The following FBXW4 variants were observed in gnomAD, a reference collection of about 807,000 sequenced individuals.
FBXW4 encodes the protein F-box and WD repeat domain containing 4, also known as F-box/WD repeat-containing protein 4.
In FBXW4, 40 loss-of-function variants were observed where a neutral mutation model predicts 61.8. The observed-to-expected ratio is 0.65, with a 90% CI of 0.50 to 0.84. The LOEUF (loss-of-function observed/expected upper bound fraction) is 0.84, where lower values mean the gene tolerates loss of function less well. FBXW4 is among the 40% of genes least tolerant of loss of function. The pLI, the probability that FBXW4 is intolerant of heterozygous loss-of-function variation, is 0.00. For missense variants in FBXW4, 672 were observed against 753.8 expected (o/e 0.89, Z 1.27); for synonymous variants, 311 against 313.8 (o/e 0.99, Z 0.10).
chr10:101,612,323 C>G lies in FBXW4; in HGVS notation c.1442+14G>C. On this transcript the variant is annotated intron_variant, in intron 7 of 8. Coordinates refer to ENST00000331272, the MANE Select transcript of FBXW4 (RefSeq NM_022039.4). ...GGGCCCCCACCACCTGTCCTCCCTG[C>G]CCAGCACACTCACCGGACGCTGGTG... The G allele has an allele frequency of 6.5e-7, 1 of 1,545,406 alleles. No homozygotes were observed. Among genetic ancestry groups the G allele is most frequent in the African/African-American group, 1.4e-5 (1 of 73,408 alleles).
At chr10:101,692,601 C>G (rs1225296967) in intron 1 of FBXW4, among the ~76,000 whole-genome samples, 1 of 151,572 alleles carries the variant, frequency 6.6e-6, no homozygotes, top group Non-Finnish European at 1.5e-5. Context: ...ACCAAAAATA[C>G]AAAATTAGCT....
rs551959564 is a variant in FBXW4, at chr10:101,642,381, T to C, written c.1236-17571A>G. On this transcript the variant is annotated intron_variant, in intron 5 of 8. Transcript: ENST00000331272. The stretch of plus-strand genomic sequence containing the variant: ...ACCTGGCCAACATAGCGGGACCCTA[T>C]CTCTATTTTTTTTTTTAATTAAAAA... Among the ~76,000 whole-genome samples, 21 of 108,876 alleles carry C rather than the reference T, an allele frequency of 1.9e-4. No individual in the cohort carries two copies. In the South Asian group the frequency reaches 4.2e-3, roughly 22 times the overall value. 71.4% of individuals were successfully genotyped at this position (108,876 alleles called of 152,430 possible). A position where few individuals can be genotyped will look rare whatever the true frequency, so the allele number is the denominator to read the frequency against.
At chr10:101,667,526 G>A (rs1007075194) in intron 5 of FBXW4, among the ~76,000 whole-genome samples, 3 of 152,164 alleles carry the variant, frequency 2.0e-5, no homozygotes, top group Admixed American at 6.5e-5. Flanking sequence ...GGCTGGTGCT[G>A]TCACCTCCGA....
In FBXW4 at chr10:101,673,608, G is replaced by C. The variant is rs867564083; in HGVS notation, c.887C>G (p.Ala296Gly). Residue 296 changes from alanine (A) to glycine (G), a missense_variant, in exon 3 of 9, where the codon GCC (alanine) becomes GGC (glycine). Around this residue, in one of 5 missense-constraint regions of FBXW4, gnomAD observed 312 missense variants for 370.1 expected, o/e 0.84. Coordinates refer to ENST00000331272, the MANE Select transcript of FBXW4 (RefSeq NM_022039.4). ...LYISQANFIL[A>G]YQFRPDGASL... ...GGCACCATCTGGACGGAACTGGTAG[G>C]CCAGGATGAAATTAGCCTGGGATAT... 3.7e-6 allele frequency: 6 copies of C among 1,614,034 alleles called. No individual in the cohort carries two copies. In the Middle Eastern group the frequency reaches 9.9e-4, roughly 266 times the overall value.
Position 101,672,944 on chromosome 10 carries a change from C to T in FBXW4, c.1111G>A (p.Val371Met). Reference sequence around the variant, plus strand: ...GCCGTCCTGTCCCTGGAGCCACTCACAATGATGCCCCCTTTGCAATCCACA... The same window carrying T: ...GCCGTCCTGTCCCTGGAGCCACTCATAATGATGCCCCCTTTGCAATCCACA... ...NCVDCKGGII[V>M]SGSRDRTAKV... Residue 371 changes from valine to methionine, a missense_variant, in exon 4 of 9, where the codon GTG becomes ATG. Coordinates refer to ENST00000331272, the MANE Select transcript of FBXW4 (RefSeq NM_022039.4). 6.2e-7 allele frequency: 1 copy of T among 1,614,148 alleles called. No homozygotes were observed. Among genetic ancestry groups the T allele is most frequent in the South Asian group, 1.1e-5 (1 of 91,080 alleles).
intron 5 of FBXW4, among the ~76,000 whole-genome samples, chr10:101,655,272 T>C (rs1024502312): frequency 2.6e-5 from 4 of 152,250 alleles, no homozygotes; most frequent in Non-Finnish European, 5.9e-5. Context: ...GACAACCTAA[T>C]GCAATTTAAA....
intron 4 of FBXW4, among the ~76,000 whole-genome samples, chr10:101,670,060 T>G (rs1452702840): frequency 6.6e-6 from 1 of 151,810 alleles, no homozygotes; most frequent in African/African-American, 2.4e-5. Flanking sequence ...CGGCCGGGAG[T>G]GGACATTTAT....
intron 5 of FBXW4, among the ~76,000 whole-genome samples, chr10:101,636,778 G>C (rs1011200288): frequency 6.6e-6 from 1 of 151,768 alleles, no homozygotes; most frequent in Non-Finnish European, 1.5e-5. Flanking sequence ...TAGTAGAGAC[G>C]GGGTTTCACC....
intron 4 of FBXW4, among the ~76,000 whole-genome samples, chr10:101,672,194 C>CT (rs1309406957): frequency 6.6e-6 from 1 of 152,236 alleles, no homozygotes; most frequent in African/African-American, 2.4e-5. Flanking sequence ...ACTGAATTGT[C>CT]AGCAAAGTTC....
chr10:101,646,357 C>T (rs1298881882), intron 5 of FBXW4, among the ~76,000 whole-genome samples: 3 of 152,212 alleles, frequency 2.0e-5, no homozygotes, highest in Non-Finnish European at 4.4e-5. Flanking sequence ...TGACCACAGC[C>T]CCCTTAGCTG....
intron 5 of FBXW4, among the ~76,000 whole-genome samples, chr10:101,629,122 G>A (rs2063930355): frequency 2.0e-5 from 3 of 152,152 alleles, no homozygotes; most frequent in Non-Finnish European, 2.9e-5. Context: ...AGTTGGGCAC[G>A]GACAGCCTGA....
At chr10:101,625,688 T>A (rs912122118) in intron 5 of FBXW4, 1 of 152,108 alleles carries the variant, frequency 6.6e-6, no homozygotes, top group African/African-American at 2.4e-5. Flanking sequence ...ACAACTCTTG[T>A]TAGAGGATTT....
intron 5 of FBXW4, among the ~76,000 whole-genome samples, chr10:101,641,490 A>C (rs2064052688): frequency 6.6e-6 from 1 of 152,140 alleles, no homozygotes; most frequent in Non-Finnish European, 1.5e-5. Context: ...TGACCCAAAA[A>C]CTAAGGGAAA....
At position 101,611,473 on chromosome 10, in the gene FBXW4, C is replaced by G. The variant is rs2063783641; in HGVS notation, c.1585-63G>C. On this transcript the variant is annotated intron_variant, in intron 8 of 8. Transcript: ENST00000331272. The surrounding 1 kb of genome is among the most constrained non-coding windows in gnomAD (Gnocchi z 4.9). Reference sequence around the variant, plus strand: ...AAGTGGGACATGGGTGTGCCCTAACCCAGGATCCCCAGGCCCAGGGGAAGA... The same window carrying G: ...AAGTGGGACATGGGTGTGCCCTAACGCAGGATCCCCAGGCCCAGGGGAAGA... 6.3e-7 allele frequency: 1 copy of G among 1,577,718 alleles called. No individual in the cohort carries two copies.
intron 5 of FBXW4, among the ~76,000 whole-genome samples, chr10:101,650,025 C>T (rs1362520296): frequency 3.9e-5 from 6 of 152,178 alleles, no homozygotes; most frequent in Admixed American, 3.9e-4. Context: ...TCCCCAGAGT[C>T]TCCTTCTCCT....
intron 5 of FBXW4, among the ~76,000 whole-genome samples, chr10:101,654,508 A>G (rs537692756): frequency 3.3e-4 from 50 of 152,328 alleles, no homozygotes; most frequent in Admixed American, 1.3e-3. Flanking sequence ...CTGATATTAA[A>G]ATAGACATTT....
At chr10:101,629,382 C>A (rs2063932926) in intron 5 of FBXW4, among the ~76,000 whole-genome samples, 2 of 152,000 alleles carry the variant, frequency 1.3e-5, no homozygotes, top group South Asian at 4.2e-4. Flanking sequence ...CTCCCAGGTT[C>A]ATGCCATTCT....
intron 2 of FBXW4, among the ~76,000 whole-genome samples, chr10:101,674,959 G>A (rs1188669514): frequency 6.6e-6 from 1 of 152,130 alleles, no homozygotes; most frequent in African/African-American, 2.4e-5. Context: ...AAAAGCACAG[G>A]GACAGCTGAC....
At chr10:101,671,487 G>T (rs1221540781) in intron 4 of FBXW4, among the ~76,000 whole-genome samples, 1 of 152,172 alleles carries the variant, frequency 6.6e-6, no homozygotes, top group Non-Finnish European at 1.5e-5. Flanking sequence ...TTCGTCAACT[G>T]TAAGTAATCC....
Sources: gnomAD v4.1 joint callset for allele counts (sites outside exome capture counted in the v4.1 genomes callset) on GRCh38, gnomAD v4.1.1 for gene constraint, gnomAD v4.1.1 regional missense constraint, Gnocchi (gnomAD v3.1) non-coding constraint, MANE v1.5 for transcripts, NCBI Gene and HGNC (gene_info 2026-07-23, HGNC 2026-07-21) for gene names.